Variants in OSBPL3 observed in about 807,000 individuals in gnomAD.
OSBPL3 encodes oxysterol-binding protein-related protein 3.
A neutral mutation model predicts 120.1 loss-of-function variants in OSBPL3; 65 were observed. The ratio of observed to expected loss-of-function variants is 0.54; its 90% CI spans 0.44 to 0.67. The LOEUF is 0.67. Among genes scored for constraint, OSBPL3 ranks in the 30% least tolerant of loss-of-function variants. OSBPL3 has a pLI of 0.00. For synonymous variants in OSBPL3, 416 were observed against 402.6 expected (o/e 1.03, Z -0.40); for missense variants, 1,004 against 1,082.1 (o/e 0.93, Z 1.01).
rs185387981 is a variant in OSBPL3, at chr7:24,859,553, G to A, written c.1027+2060C>T. On this transcript the variant is annotated intron_variant, in intron 10 of 22. Coordinates refer to ENST00000313367, the MANE Select transcript of OSBPL3 (RefSeq NM_015550.4). ...TCTTTCTACAACTATAAAAAATAAC[G>A]CTGGCCACTCCATCTGTAAGAGCAG... is the stretch of plus-strand genomic sequence containing the variant. Among the ~76,000 whole-genome samples the A allele has an allele frequency of 6.6e-3, 1,001 of 152,086 alleles. 8 individuals carry two copies. Among genetic ancestry groups the A allele is most frequent in the Non-Finnish European group, 9.8e-3 (669 of 67,996 alleles).
intron 1 of OSBPL3, among the ~76,000 whole-genome samples, chr7:24,897,072 GGAGGGAAGA>G (rs1178004493): frequency 6.6e-6 from 1 of 151,552 alleles, no homozygotes; most frequent in African/African-American, 2.4e-5. Context: ...AGAGAGGGAG[GGAGGGAAGA>G]GAGGGAGGGA....
chr7:24,943,749 C>A (rs1813367380), intron 1 of OSBPL3, among the ~76,000 whole-genome samples: 1 of 152,194 alleles, frequency 6.6e-6, no homozygotes, highest in Non-Finnish European at 1.5e-5. Flanking sequence ...TTCCCTGGTG[C>A]TGACTATATC....
chr7:24,929,202 A>G (rs1234349542), intron 1 of OSBPL3, among the ~76,000 whole-genome samples: 1 of 152,096 alleles, frequency 6.6e-6, no homozygotes, highest in African/African-American at 2.4e-5. Flanking sequence ...GGTGTGCCTC[A>G]CTGTAGTTTA....
In OSBPL3 at chr7:24,854,538, A is replaced by AC. The variant is rs1491386983; in HGVS notation, c.1028-1905_1028-1904insG. Among the ~76,000 whole-genome samples the AC allele has an allele frequency of 4.7e-4, 70 of 148,586 alleles. No individual in the cohort carries two copies. The highest frequency in any genetic ancestry group is 2.6e-3 in the East Asian group (13 of 4,984). ...CACACACACACACACACACACACAC[A>AC]AACACACACAATGGTGCTGCCTCTG... is the stretch of plus-strand genomic sequence containing the variant. On this transcript the variant is annotated intron_variant, in intron 10 of 22. Transcript: ENST00000313367. This position sits in a 1 kb window ranked among gnomAD's most constrained non-coding sequence, Gnocchi z 4.1.
Position 24,892,561 on chromosome 7 carries a change from T to C in OSBPL3, c.-89A>G. 1 of 1,519,082 alleles carries C rather than the reference T, an allele frequency of 6.6e-7. No homozygotes were observed. The highest frequency in any genetic ancestry group is 8.9e-7 in the Non-Finnish European group (1 of 1,120,366). The allele number at this position is 1,519,082 out of a possible 1,614,324, so 94.1% of individuals were successfully genotyped here. The stretch of plus-strand genomic sequence containing the variant: ...TATGGAAGTCCCCAGTGGCAGGTGG[T>C]TTAGCTCTTATCCAAAGTATTTAAA... On this transcript the variant is annotated 5_prime_UTR_variant, in exon 2 of 23. Transcript: ENST00000313367.
chr7:24,926,999 G>A (rs533342390), intron 1 of OSBPL3, among the ~76,000 whole-genome samples: 10 of 152,178 alleles, frequency 6.6e-5, no homozygotes, highest in South Asian at 6.2e-4. Flanking sequence ...ATATAATCAC[G>A]AATTTTTATT....
chr7:24,977,987 C>A (rs946944770), intron 1 of OSBPL3, among the ~76,000 whole-genome samples: 1 of 152,214 alleles, frequency 6.6e-6, no homozygotes, highest in Non-Finnish European at 1.5e-5. Flanking sequence ...TAAGCCATAG[C>A]TTTTGATACA....
At position 24,830,688 on chromosome 7, in the gene OSBPL3, G is replaced by A; in HGVS notation, c.1884+80C>T. ...GCTGCTTTGAAGCCAGTGAAAGGTG[G>A]AAGATAAATATTTCAGAAGCACATT... On this transcript the variant is annotated intron_variant, in intron 16 of 22. Transcript: ENST00000313367. This position sits in a 1 kb window ranked among gnomAD's most constrained non-coding sequence, Gnocchi z 4.4. 27 of 1,309,866 alleles carry A rather than the reference G, an allele frequency of 2.1e-5. No individual in the cohort carries two copies. The highest frequency in any genetic ancestry group is 2.5e-5 in the Non-Finnish European group (24 of 944,946). 81.1% of individuals were successfully genotyped at this position (1,309,866 alleles called of 1,614,324 possible).
chr7:24,980,765 C>T (rs756695280), upstream of OSBPL3, among the ~76,000 whole-genome samples: 1 of 152,050 alleles, frequency 6.6e-6, no homozygotes, highest in Admixed American at 6.5e-5. Context: ...ACCCTACCTC[C>T]AGAGGCAGTC....
chr7:24,954,286 C>T lies in OSBPL3; in HGVS notation c.-150+25600G>A, dbSNP rs16873725. Among the ~76,000 whole-genome samples, 278 of 152,140 alleles carry T rather than the reference C, an allele frequency of 1.8e-3. 1 individual carries two copies. The highest frequency in any genetic ancestry group is 6.5e-3 in the African/African-American group (269 of 41,496). ...ACGTGAAGTTATTTATTCTCTGCACCAAGAGAGGCTTACTTTTTAATCCTT... is the reference window on the plus strand; with the variant it reads ...ACGTGAAGTTATTTATTCTCTGCACTAAGAGAGGCTTACTTTTTAATCCTT... On this transcript the variant is annotated intron_variant, in intron 1 of 22. Coordinates refer to ENST00000313367, the MANE Select transcript of OSBPL3 (RefSeq NM_015550.4).
rs1792921502 is a variant in OSBPL3 at position 24,805,523 on chromosome 7, A to C, written c.2445-1086T>G. Reference sequence around the variant, plus strand: ...TTATTAATATATACTGTATATTTCCAATTAACTCCATTCTTAGGCTTGATT... The same window carrying C: ...TTATTAATATATACTGTATATTTCCCATTAACTCCATTCTTAGGCTTGATT... On this transcript the variant is annotated intron_variant, in intron 21 of 22. Coordinates refer to ENST00000313367, the MANE Select transcript of OSBPL3 (RefSeq NM_015550.4). This position sits in a 1 kb window ranked among gnomAD's most constrained non-coding sequence, Gnocchi z 4.0. Among the ~76,000 whole-genome samples, 1 of 152,190 alleles carries C rather than the reference A, an allele frequency of 6.6e-6. No homozygotes were observed. The highest frequency in any genetic ancestry group is 2.4e-5 in the African/African-American group (1 of 41,460).
chr7:24,845,465 G>C (rs1798331636), intron 12 of OSBPL3, among the ~76,000 whole-genome samples: 1 of 135,556 alleles, frequency 7.4e-6, no homozygotes, highest in Non-Finnish European at 1.5e-5. Context: ...GTGTGTATGT[G>C]TGTGTGTGTG....
chr7:24,927,599 T>C, intron 1 of OSBPL3, among the ~76,000 whole-genome samples: 1 of 152,230 alleles, frequency 6.6e-6, no homozygotes, highest in East Asian at 1.9e-4. Context: ...AGCTTGCTGA[T>C]GAAAATGTGT....
At chr7:24,944,466 A>C (rs1026489376) in intron 1 of OSBPL3, among the ~76,000 whole-genome samples, 2 of 152,112 alleles carry the variant, frequency 1.3e-5, no homozygotes, top group Non-Finnish European at 2.9e-5. Flanking sequence ...GTCTCTACTA[A>C]AAATACAAAA....
At chr7:24,859,088 G>A (rs911523188) in intron 10 of OSBPL3, among the ~76,000 whole-genome samples, 1 of 152,066 alleles carries the variant, frequency 6.6e-6, no homozygotes, top group African/African-American at 2.4e-5. Flanking sequence ...ACAGTCTAAT[G>A]GTAATTAGGA....
At chr7:24,868,338 AGTGTGTGTGTGTGTGTGTGTGT>A (rs55688298) in intron 5 of OSBPL3, among the ~76,000 whole-genome samples, 2 of 137,910 alleles carry the variant, frequency 1.5e-5, no homozygotes, top group Non-Finnish European at 3.1e-5. Flanking sequence ...AAAAAAAAAA[AGTGTGTGTGTGTGTGTGTGTGT>A]GTGTGTGTGT....
chr7:24,926,524 T>C (rs1390518930), intron 1 of OSBPL3, among the ~76,000 whole-genome samples: 1 of 152,210 alleles, frequency 6.6e-6, no homozygotes, highest in Non-Finnish European at 1.5e-5. Flanking sequence ...CCCCCACTTT[T>C]CAGCTGACAT....
rs1167214136 is a variant in OSBPL3 at position 24,967,032 on chromosome 7, T to G, written c.-150+12854A>C. ...GGCAAATTCAGCTTAAGAGACTGAA[T>G]TTGCATGAGCCATCACAATGCCTGT... On this transcript the variant is annotated intron_variant, in intron 1 of 22. Coordinates refer to ENST00000313367, the MANE Select transcript of OSBPL3 (RefSeq NM_015550.4). This position sits in a 1 kb window ranked among gnomAD's most constrained non-coding sequence, Gnocchi z 5.6. Among the ~76,000 whole-genome samples, 1 of 152,226 alleles carries G rather than the reference T, an allele frequency of 6.6e-6. No individual in the cohort carries two copies. Among genetic ancestry groups the G allele is most frequent in the African/African-American group, 2.4e-5 (1 of 41,464 alleles).
Position 24,921,611 on chromosome 7 carries a change from G to A in OSBPL3, c.-149-28990C>T, listed in dbSNP as rs28593513. Among the ~76,000 whole-genome samples, 1,219 of 152,194 alleles carry A rather than the reference G, an allele frequency of 8.0e-3. 18 individuals are homozygous for A. The highest frequency in any genetic ancestry group is 0.028 in the African/African-American group (1,167 of 41,534). On this transcript the variant is annotated intron_variant, in intron 1 of 22. Coordinates refer to ENST00000313367, the MANE Select transcript of OSBPL3 (RefSeq NM_015550.4). ...TGCAGCAGCAGGAAGTAGAAACAGT[G>A]TACCCTCTAGGGTACCTCTCAGTTA...
Sources: gnomAD v4.1 joint callset for allele counts (sites outside exome capture counted in the v4.1 genomes callset) on GRCh38, gnomAD v4.1.1 for gene constraint, Gnocchi (gnomAD v3.1) non-coding constraint, MANE v1.5 for transcripts, NCBI Gene and HGNC (gene_info 2026-07-23, HGNC 2026-07-21) for gene names.